DLC1: variants seen among roughly 807,000 people sequenced by gnomAD.
DLC1 encodes DLC1 Rho GTPase activating protein, also known as rho GTPase-activating protein 7.
DLC1 carries 54 observed loss-of-function variants against 140.3 expected under a neutral mutation model. That is an observed-to-expected ratio of 0.38 (90% CI 0.31 to 0.48). The LOEUF is 0.48. Among genes scored for constraint, DLC1 ranks in the 20% least tolerant of loss-of-function variants. The pLI, the probability that DLC1 is intolerant of heterozygous loss-of-function variation, is 0.96. For synonymous variants in DLC1, 986 were observed against 728.1 expected (o/e 1.35, Z -5.70); for missense variants, 2,536 against 1,907.0 (o/e 1.33, Z -6.14).
intron 4 of DLC1, among the ~76,000 whole-genome samples, chr8:13,318,446 T>C (rs1300849308): frequency 6.6e-6 from 1 of 152,218 alleles, no homozygotes; most frequent in Non-Finnish European, 1.5e-5. Context: ...GATCTCACCA[T>C]TAGTAAGTGT....
At chr8:13,377,066 T>G (rs116211239) in intron 4 of DLC1, among the ~76,000 whole-genome samples, 1,959 of 152,308 alleles carry the variant, frequency 0.013, 50 homozygotes, top group African/African-American at 0.042. Flanking sequence ...TTGGGTAGAT[T>G]AAAATCTCTT....
chr8:13,246,188 G>A (rs1829756807), intron 5 of DLC1, among the ~76,000 whole-genome samples: 1 of 152,044 alleles, frequency 6.6e-6, no homozygotes, highest in African/African-American at 2.4e-5. Context: ...TGCAATAATG[G>A]CGAGTTAAAG....
intron 4 of DLC1, among the ~76,000 whole-genome samples, chr8:13,351,695 C>T (rs1200274254): frequency 6.6e-6 from 1 of 152,132 alleles, no homozygotes; most frequent in Admixed American, 6.6e-5. Flanking sequence ...GACTGGAGAG[C>T]CCACAGACTT....
chr8:13,132,751 A>T (rs1585726749), intron 5 of DLC1, among the ~76,000 whole-genome samples: 1 of 151,702 alleles, frequency 6.6e-6, no homozygotes, highest in East Asian at 1.9e-4. Context: ...CAAAATTCAA[A>T]CTCCCTCCCC....
chr8:13,364,718 A>T (rs1835399944), intron 4 of DLC1, among the ~76,000 whole-genome samples: 1 of 152,186 alleles, frequency 6.6e-6, no homozygotes, highest in Non-Finnish European at 1.5e-5. Context: ...TGATTTTTAA[A>T]ATTATCACAT....
In DLC1 at chr8:13,086,332, G is replaced by A. The variant is rs1349216568; in HGVS notation, c.4424C>T (p.Pro1475Leu). 2 of 1,614,090 alleles carry A rather than the reference G, an allele frequency of 1.2e-6. No individual in the cohort carries two copies. The highest frequency in any genetic ancestry group is 2.7e-5 in the African/African-American group (2 of 74,938). The change falls in exon 17 of 18, where the codon CCA (proline) becomes CTA (leucine). Residue 1475 changes from proline (P) to leucine (L), a missense_variant. Transcript: ENST00000276297. ...LSRYLIEPCGPGKSKLTYMCR... is the reference protein window; with the variant it reads ...LSRYLIEPCGLGKSKLTYMCR... Reference sequence around the variant, plus strand: ...CATGTAGGTGAGTTTGGATTTTCCTGGCCCACAGGGTTCAATCAAATACCT... The same window carrying A: ...CATGTAGGTGAGTTTGGATTTTCCTAGCCCACAGGGTTCAATCAAATACCT...
Position 13,382,394 on chromosome 8 carries a change from C to T in DLC1, c.1314+11159G>A, listed in dbSNP as rs562292530. ...AGGTGGCGGGCGCCTGTAGTCCCAG[C>T]TACTCGGGAGGCTGAGGCAGGAGAA... On this transcript the variant is annotated intron_variant, in intron 4 of 17. Transcript: ENST00000276297. Among the ~76,000 whole-genome samples the T allele has an allele frequency of 2.8e-3, 423 of 149,186 alleles. 1 individual carries two copies. The highest frequency in any genetic ancestry group is 9.8e-3 in the African/African-American group (397 of 40,668).
At chr8:13,111,264 C>A (rs1157368881) in intron 6 of DLC1, among the ~76,000 whole-genome samples, 1 of 152,100 alleles carries the variant, frequency 6.6e-6, no homozygotes, top group African/African-American at 2.4e-5. Context: ...ACAGAAAGAT[C>A]TAGAGAACAA....
upstream of DLC1, among the ~76,000 whole-genome samples, chr8:13,515,164 A>C (rs1802544745): frequency 6.6e-6 from 1 of 152,224 alleles, no homozygotes; most frequent in African/African-American, 2.4e-5. Flanking sequence ...ACTATATTAA[A>C]TGTATATGCA....
chr8:13,521,037 G>A (rs758663716), intron 1 of DLC1, among the ~76,000 whole-genome samples: 6 of 152,074 alleles, frequency 3.9e-5, no homozygotes, highest in East Asian at 1.9e-4. Context: ...TAAAGAAAAC[G>A]TGGTCCATAT....
At chr8:13,148,851 G>A (rs989640853) in intron 5 of DLC1, among the ~76,000 whole-genome samples, 1 of 152,026 alleles carries the variant, frequency 6.6e-6, no homozygotes, top group Admixed American at 6.6e-5. Flanking sequence ...GGAGTGCAGT[G>A]GCGCGATCTT....
intron 2 of DLC1, among the ~76,000 whole-genome samples, chr8:13,426,509 T>G (rs1838588689): frequency 6.6e-6 from 1 of 152,162 alleles, no homozygotes; most frequent in African/African-American, 2.4e-5. Flanking sequence ...CACTCTAAAT[T>G]CAAATGAACC....
At chr8:13,466,332 A>T (rs1238729642) in intron 2 of DLC1, among the ~76,000 whole-genome samples, 3 of 152,094 alleles carry the variant, frequency 2.0e-5, no homozygotes, top group African/African-American at 7.2e-5. Context: ...TTTCTCTGTG[A>T]TCTGTGAGTA....
At chr8:13,152,403 G>T (rs776944891) in intron 5 of DLC1, among the ~76,000 whole-genome samples, 43 of 152,232 alleles carry the variant, frequency 2.8e-4, no homozygotes, top group Middle Eastern at 3.4e-3. Context: ...CAATATGTTT[G>T]AATAATGTCA....
chr8:13,278,563 T>C (rs1831256445), intron 5 of DLC1, among the ~76,000 whole-genome samples: 2 of 152,336 alleles, frequency 1.3e-5, no homozygotes, highest in African/African-American at 2.4e-5. Flanking sequence ...CATGTTCCAA[T>C]GTTACAGGAA....
At chr8:13,300,784 A>T (rs540915614) in intron 5 of DLC1, among the ~76,000 whole-genome samples, 16 of 152,356 alleles carry the variant, frequency 1.1e-4, no homozygotes, top group African/African-American at 3.8e-4. Context: ...GCTAATAGAG[A>T]GTCAGATAAA....
At chr8:13,139,767 TCTTTCGTGTGTCCC>T (rs1822837841) in intron 5 of DLC1, among the ~76,000 whole-genome samples, 1 of 152,246 alleles carries the variant, frequency 6.6e-6, no homozygotes, top group Non-Finnish European at 1.5e-5. Context: ...CAGCTCTGAT[TCTTTCGTGTGTCCC>T]CTGACTACAC....
intron 1 of DLC1, among the ~76,000 whole-genome samples, chr8:13,549,649 G>GA (rs1412884463): frequency 1.3e-5 from 2 of 152,110 alleles, no homozygotes; most frequent in East Asian, 1.9e-4. Flanking sequence ...GGATGTGGTA[G>GA]AAAAAACATC....
intron 5 of DLC1, among the ~76,000 whole-genome samples, chr8:13,210,735 A>C (rs2117105946): frequency 1.3e-5 from 2 of 152,332 alleles, no homozygotes; most frequent in Admixed American, 1.3e-4. Flanking sequence ...ACTTTCAGTG[A>C]CTTGATAGTT....
Sources: allele counts gnomAD v4.1 joint callset (sites outside exome capture counted in the v4.1 genomes callset), GRCh38; gene constraint gnomAD v4.1.1; transcripts MANE v1.5; gene names NCBI Gene and HGNC (gene_info 2026-07-23, HGNC 2026-07-21).